DLC1: variants seen among roughly 807,000 people sequenced by gnomAD.
DLC1 encodes rho GTPase-activating protein 7.
A neutral mutation model predicts 140.3 loss-of-function variants in DLC1; 54 were observed. The observed-to-expected ratio is 0.38, with a 90% CI of 0.31 to 0.48. The LOEUF (loss-of-function observed/expected upper bound fraction) is 0.48, where lower values mean the gene tolerates loss of function less well. Ranked by LOEUF, DLC1 falls within the 20% of genes least tolerant of loss-of-function variation. The pLI is 0.96. For missense variants in DLC1, 2,536 were observed against 1,907.0 expected, an observed-to-expected ratio of 1.33 and a Z score of -6.14; for synonymous variants, 986 against 728.1, an observed-to-expected ratio of 1.35 and a Z score of -5.70.
chr8:13,326,653 C>T (rs934576397), intron 4 of DLC1, among the ~76,000 whole-genome samples: 1 of 152,148 alleles, frequency 6.6e-6, no homozygotes, highest in Non-Finnish European at 1.5e-5. Context: ...TAGGTATTCC[C>T]TTTCCAGGTT....
At chr8:13,573,574 T>C (rs926964566) in intron 1 of DLC1, among the ~76,000 whole-genome samples, 2 of 152,184 alleles carry the variant, frequency 1.3e-5, no homozygotes, top group African/African-American at 4.8e-5. Context: ...CTGGGAATGA[T>C]TTTACTTATG....
intron 1 of DLC1, among the ~76,000 whole-genome samples, chr8:13,577,124 A>G (rs1804869874): frequency 6.6e-6 from 1 of 152,132 alleles, no homozygotes; most frequent in Admixed American, 6.6e-5. Flanking sequence ...ACATTTAAGA[A>G]CAGTCCAAAC....
In DLC1 at chr8:13,575,007, A is replaced by C. The variant is rs151320404; in HGVS notation, c.-126+29530T>G. On this transcript the variant is annotated intron_variant, in intron 1 of 1. Coordinates refer to the DLC1 transcript ENST00000631382. ...TTTTGCCTAAAAGTGACAGATGAGAAATAAATACACAAATAGTCAATTTGA... is the reference window on the plus strand; with the variant it reads ...TTTTGCCTAAAAGTGACAGATGAGACATAAATACACAAATAGTCAATTTGA... Among the ~76,000 whole-genome samples, 260 of 152,358 alleles carry C rather than the reference A, an allele frequency of 1.7e-3. 3 individuals carry two copies. The highest frequency in any genetic ancestry group is 5.8e-3 in the African/African-American group (242 of 41,586).
chr8:13,161,548 G>T (rs193101277), intron 5 of DLC1, among the ~76,000 whole-genome samples: 2 of 152,164 alleles, frequency 1.3e-5, no homozygotes, highest in African/African-American at 4.8e-5. Context: ...CTTTGTTGCC[G>T]CTGGTCTTGA....
intron 3 of DLC1, among the ~76,000 whole-genome samples, chr8:13,395,329 G>A (rs2117224265): frequency 6.6e-6 from 1 of 152,072 alleles, no homozygotes; most frequent in Middle Eastern, 3.4e-3. Flanking sequence ...CACTATGTTG[G>A]CCAGACTGGT....
intron 1 of DLC1, among the ~76,000 whole-genome samples, chr8:13,501,309 A>T (rs1188212969): frequency 6.6e-6 from 1 of 152,232 alleles, no homozygotes; most frequent in Non-Finnish European, 1.5e-5. Context: ...TGAATTCTTC[A>T]AACCCTTAGT....
chr8:13,287,170 C>T (rs148891547), intron 5 of DLC1, among the ~76,000 whole-genome samples: 59 of 152,332 alleles, frequency 3.9e-4, no homozygotes, highest in African/African-American at 1.3e-3. Flanking sequence ...CTGACTCTAA[C>T]TTTCCCTCCC....
intron 5 of DLC1, among the ~76,000 whole-genome samples, chr8:13,186,370 C>T (rs1350281731): frequency 6.6e-6 from 1 of 151,962 alleles, no homozygotes; most frequent in Non-Finnish European, 1.5e-5. Flanking sequence ...TTACTTTCAC[C>T]TTCTCTTCTC....
At chr8:13,154,412 G>A (rs1226793255) in intron 5 of DLC1, among the ~76,000 whole-genome samples, 7 of 152,208 alleles carry the variant, frequency 4.6e-5, no homozygotes, top group Non-Finnish European at 1.0e-4. Context: ...TGGGGGACCC[G>A]GCGCCCCCTC....
At position 13,413,088 on chromosome 8, in the gene DLC1, G is replaced by T. The variant is rs548072466; in HGVS notation, c.1024-11469C>A. ...GGCATAACCTGCCCAACAGTACTTGGGACCCTGCTACTGATAAGGAAAGTG... is the reference window on the plus strand; with the variant it reads ...GGCATAACCTGCCCAACAGTACTTGTGACCCTGCTACTGATAAGGAAAGTG... On this transcript the variant is annotated intron_variant, in intron 2 of 17. Coordinates refer to ENST00000276297, the MANE Select transcript of DLC1 (RefSeq NM_182643.3). Among the ~76,000 whole-genome samples the T allele has an allele frequency of 2.6e-5, 4 of 151,944 alleles. No individual in the cohort carries two copies. In the South Asian group the frequency reaches 8.3e-4, roughly 31 times the overall value.
At chr8:13,305,835 G>A (rs112474315) in intron 4 of DLC1, among the ~76,000 whole-genome samples, 3 of 151,432 alleles carry the variant, frequency 2.0e-5, no homozygotes, top group South Asian at 2.1e-4. Context: ...AGACCCCATC[G>A]CAAACAAACA....
chr8:13,169,435 C>G (rs1269784683), intron 5 of DLC1, among the ~76,000 whole-genome samples: 1 of 152,148 alleles, frequency 6.6e-6, no homozygotes, highest in Non-Finnish European at 1.5e-5. Context: ...TCATTTGTAA[C>G]TTTAGAGCTA....
chr8:13,167,475 CTGAA>C (rs1476045764), intron 5 of DLC1, among the ~76,000 whole-genome samples: 1 of 152,136 alleles, frequency 6.6e-6, no homozygotes, highest in East Asian at 1.9e-4. Context: ...TGGATTAAAA[CTGAA>C]TGGCTTCTCA....
chr8:13,352,341 A>T (rs962071241), intron 4 of DLC1, among the ~76,000 whole-genome samples: 1 of 152,182 alleles, frequency 6.6e-6, no homozygotes, highest in Non-Finnish European at 1.5e-5. Context: ...TTTATTTTTT[A>T]AATTTAAATG....
At chr8:13,541,210 C>A (rs372783104) in intron 1 of DLC1, among the ~76,000 whole-genome samples, 1 of 152,104 alleles carries the variant, frequency 6.6e-6, no homozygotes, top group African/African-American at 2.4e-5. Flanking sequence ...GGTTGGCGGG[C>A]ATTTTGATTG....
chr8:13,584,470 G>A (rs1173062539), intron 1 of DLC1: 1 of 152,212 alleles, frequency 6.6e-6, no homozygotes, highest in Non-Finnish European at 1.5e-5. Flanking sequence ...AAGTTATACT[G>A]ACCACATTTT....
intron 2 of DLC1, among the ~76,000 whole-genome samples, chr8:13,417,330 G>C: frequency 1.3e-5 from 2 of 151,544 alleles, no homozygotes; most frequent in Non-Finnish European, 2.9e-5. Context: ...TTTAGCATTA[G>C]GTATATCTCC....
chr8:13,299,773 C>T (rs1159849417), intron 5 of DLC1, among the ~76,000 whole-genome samples: 3 of 152,056 alleles, frequency 2.0e-5, no homozygotes, highest in Non-Finnish European at 4.4e-5. Context: ...ACCCCAGGGC[C>T]AGAGGAGAGA....
chr8:13,270,960 G>C lies in DLC1; in HGVS notation c.1348+34309C>G, dbSNP rs2278340. On this transcript the variant is annotated intron_variant, in intron 5 of 17. Coordinates refer to ENST00000276297, the MANE Select transcript of DLC1 (RefSeq NM_182643.3). The stretch of plus-strand genomic sequence containing the variant: ...AGGTGCTGTTATCCTCTTTGTATTG[G>C]CAAGGAATGCTGACTTGCCTAATAT... Among the ~76,000 whole-genome samples the C allele has an allele frequency of 7.2e-5, 11 of 152,170 alleles. No homozygotes were observed. In the East Asian group the frequency reaches 2.1e-3, roughly 29 times the overall value.
Sources: gnomAD v4.1 joint callset for allele counts (sites outside exome capture counted in the v4.1 genomes callset) on GRCh38, gnomAD v4.1.1 for gene constraint, MANE v1.5 for transcripts, NCBI Gene and HGNC (gene_info 2026-07-23, HGNC 2026-07-21) for gene names.